The following PTPRD variants were observed in gnomAD, a reference collection of about 807,000 sequenced individuals.
PTPRD encodes protein tyrosine phosphatase receptor type D.
A neutral mutation model predicts 214.5 loss-of-function variants in PTPRD; 34 were observed. That is an observed-to-expected ratio of 0.16 (90% confidence interval 0.12 to 0.21). The LOEUF (loss-of-function observed/expected upper bound fraction) is 0.21. Ranked by LOEUF, PTPRD falls within the 10% of genes least tolerant of loss-of-function variation. The pLI, the probability that PTPRD is intolerant of heterozygous loss-of-function variation, is 1.00. For synonymous variants in PTPRD, 1,128 were observed against 845.7 expected, an observed-to-expected ratio of 1.33 and a Z score of -5.79; for missense variants, 2,545 against 2,398.7, an observed-to-expected ratio of 1.06 and a Z score of -1.27.
intron 11 of PTPRD, among the ~76,000 whole-genome samples, chr9:8,951,138 A>AGTGTGTGTGTGTGT (rs56212369): frequency 0.46 from 66,911 of 147,018 alleles, 16,518 homozygotes; most frequent in Non-Finnish European, 0.56. Context: ...TAGGAAAAAG[A>AGTGTGTGTGTGTGT]GTGTGTGTGT....
At chr9:9,471,521 G>T (rs1425157109) in intron 8 of PTPRD, among the ~76,000 whole-genome samples, 4 of 152,046 alleles carry the variant, frequency 2.6e-5, no homozygotes, top group East Asian at 1.9e-4. Flanking sequence ...GAACATTAAA[G>T]AATTTATTGC....
chr9:9,482,549 C>G (rs1361698273), intron 8 of PTPRD, among the ~76,000 whole-genome samples: 1 of 152,082 alleles, frequency 6.6e-6, no homozygotes, highest in Non-Finnish European at 1.5e-5. Flanking sequence ...ATGAGAAAAG[C>G]CAAAGAAGCA....
intron 5 of PTPRD, among the ~76,000 whole-genome samples, chr9:9,819,517 G>T (rs537859873): frequency 2.0e-5 from 3 of 152,056 alleles, no homozygotes; most frequent in Admixed American, 1.3e-4. Context: ...ACTTTTTTCA[G>T]CTTTTATTTT....
intron 3 of PTPRD, among the ~76,000 whole-genome samples, chr9:10,332,304 CTA>C (rs1398736729): frequency 6.6e-6 from 1 of 151,742 alleles, no homozygotes; most frequent in African/African-American, 2.4e-5. Flanking sequence ...TATAAGAAGA[CTA>C]TGAAGAATTT....
intron 2 of PTPRD, 139 bp downstream of exon 2, chr9:10,612,259 G>A (rs1185054399): frequency 6.7e-6 from 1 of 149,972 alleles, no homozygotes; most frequent in African/African-American, 2.5e-5. Flanking sequence ...TCTCAAATAG[G>A]AGCTACTGAA....
At chr9:9,443,883 A>C (rs1397572136) in intron 8 of PTPRD, among the ~76,000 whole-genome samples, 4 of 152,254 alleles carry the variant, frequency 2.6e-5, no homozygotes, top group Admixed American at 2.6e-4. Context: ...TAACTGGAAC[A>C]AGCTTGAAAG....
chr9:9,349,765 TTTG>T, intron 9 of PTPRD, among the ~76,000 whole-genome samples: 1 of 152,134 alleles, frequency 6.6e-6, no homozygotes, highest in South Asian at 2.1e-4. Context: ...ATGTTTTTTT[TTTG>T]TGCTATAAAT....
At chr9:10,072,951 G>A (rs2098057550) in intron 3 of PTPRD, among the ~76,000 whole-genome samples, 1 of 152,024 alleles carries the variant, frequency 6.6e-6, no homozygotes, top group Non-Finnish European at 1.5e-5. Flanking sequence ...TAGGTGAATA[G>A]ACAAGCAAAT....
intron 11 of PTPRD, among the ~76,000 whole-genome samples, chr9:8,865,237 C>T (rs1256185688): frequency 2.0e-5 from 3 of 152,134 alleles, no homozygotes; most frequent in Admixed American, 6.6e-5. Context: ...GCAGCATTTG[C>T]CAGTACAACA....
intron 7 of PTPRD, among the ~76,000 whole-genome samples, chr9:9,725,623 C>G (rs1040256493): frequency 1.3e-5 from 2 of 152,022 alleles, no homozygotes; most frequent in Admixed American, 6.6e-5. Flanking sequence ...ATTCTGGTTT[C>G]TTGAATTTCA....
At chr9:8,569,151 C>T (rs904327352) in intron 14 of PTPRD, among the ~76,000 whole-genome samples, 3 of 152,076 alleles carry the variant, frequency 2.0e-5, no homozygotes, top group African/African-American at 7.2e-5. Context: ...GTAGGTGAAA[C>T]TCTCTTTAGA....
rs969325824 is a variant in PTPRD at position 9,958,176 on chromosome 9, T to A, written c.-471-19566A>T. Among the ~76,000 whole-genome samples, 3 of 152,314 alleles carry A rather than the reference T, an allele frequency of 2.0e-5. No individual in the cohort carries two copies. In the East Asian group the frequency reaches 5.8e-4, roughly 29 times the overall value. On this transcript the variant is annotated intron_variant, in intron 4 of 45. Coordinates refer to ENST00000381196, the MANE Select transcript of PTPRD (RefSeq NM_002839.4). ...TGATGTTGAGTTTGGCAAGAAGTTT[T>A]CAGATACAGTACCAAAAACAATCTA...
intron 5 of PTPRD, among the ~76,000 whole-genome samples, chr9:9,815,424 G>T (rs576789196): frequency 2.6e-5 from 4 of 152,022 alleles, no homozygotes; most frequent in Non-Finnish European, 4.4e-5. Flanking sequence ...AAAAGGAAAC[G>T]TAGAGAAAAG....
intron 3 of PTPRD, among the ~76,000 whole-genome samples, chr9:10,122,970 C>T (rs994180035): frequency 2.0e-5 from 3 of 152,236 alleles, no homozygotes; most frequent in African/African-American, 7.2e-5. Flanking sequence ...AAGCGGCCCG[C>T]TTGTTAACAA....
intron 8 of PTPRD, among the ~76,000 whole-genome samples, chr9:9,535,925 T>G (rs1347491261): frequency 6.6e-6 from 1 of 152,076 alleles, no homozygotes; most frequent in Non-Finnish European, 1.5e-5. Flanking sequence ...TGCTATAAGA[T>G]TCGCTATTTG....
At chr9:10,542,409 G>T (rs917514671) in intron 2 of PTPRD, among the ~76,000 whole-genome samples, 1 of 151,962 alleles carries the variant, frequency 6.6e-6, no homozygotes, top group East Asian at 1.9e-4. Context: ...ATTTAAATCA[G>T]GTACTCTATA....
chr9:9,974,656 C>G (rs2095285622), intron 4 of PTPRD, among the ~76,000 whole-genome samples: 1 of 152,088 alleles, frequency 6.6e-6, no homozygotes, highest in Non-Finnish European at 1.5e-5. Context: ...TTTTGAAAAC[C>G]TCCTTAAAAC....
intron 14 of PTPRD, among the ~76,000 whole-genome samples, chr9:8,551,601 T>C (rs144586162): frequency 0.012 from 1,853 of 152,336 alleles, 74 homozygotes; most frequent in Admixed American, 0.082. Context: ...TTTAAGTAGC[T>C]TCAGATTACA....
At chr9:8,477,094 T>C (rs1276029564) in intron 30 of PTPRD, among the ~76,000 whole-genome samples, 1 of 151,084 alleles carries the variant, frequency 6.6e-6, no homozygotes, top group African/African-American at 2.4e-5. Context: ...AACCAAATCA[T>C]ATGAGCTGAA....
Sources: gnomAD v4.1 joint callset for allele counts (sites outside exome capture counted in the v4.1 genomes callset) on GRCh38, gnomAD v4.1.1 for gene constraint, MANE v1.5 for transcripts, NCBI Gene and HGNC (gene_info 2026-07-23, HGNC 2026-07-21) for gene names.